Variants in AOPEP observed in about 807,000 individuals in gnomAD.
AOPEP encodes aminopeptidase O (putative), also known as aminopeptidase O.
Under a neutral mutation model 98.1 loss-of-function variants are expected in AOPEP, and 77 were observed. The ratio of observed to expected loss-of-function variants is 0.78; its 90% confidence interval spans 0.65 to 0.95. The LOEUF is 0.95. Ranked by LOEUF, AOPEP falls within the 40% of genes least tolerant of loss-of-function variation. The pLI, the probability that AOPEP is intolerant of heterozygous loss-of-function variation, is 0.00. For missense variants in AOPEP, 1,024 were observed against 1,024.7 expected, an observed-to-expected ratio of 1.00 and a Z score of 0.01; for synonymous variants, 346 against 365.3, an observed-to-expected ratio of 0.95 and a Z score of 0.60.
intron 5 of AOPEP, among the ~76,000 whole-genome samples, chr9:94,846,664 C>A (rs1269799434): frequency 1.2e-4 from 18 of 152,178 alleles, no homozygotes; most frequent in Non-Finnish European, 2.1e-4. Flanking sequence ...CTAGCACTTT[C>A]CAAGGCCGAG....
At chr9:94,736,705 A>G (rs1301729851) in intron 1 of AOPEP, among the ~76,000 whole-genome samples, 2 of 152,228 alleles carry the variant, frequency 1.3e-5, no homozygotes, top group Non-Finnish European at 2.9e-5. Flanking sequence ...CATTAATTGA[A>G]TGATATCCAT....
the AOPEP span, among the ~76,000 whole-genome samples, chr9:95,137,556 A>G: frequency 0.01 from 1,545 of 152,278 alleles, 26 homozygotes; most frequent in African/African-American, 0.035. Flanking sequence ...CCATTTCCTC[A>G]GATGAAAAGA....
At chr9:95,049,839 A>G (rs925666758) in intron 13 of AOPEP, among the ~76,000 whole-genome samples, 1 of 152,180 alleles carries the variant, frequency 6.6e-6, no homozygotes. Context: ...ATAGTTAACC[A>G]CCACTTGTGA....
intron 5 of AOPEP, among the ~76,000 whole-genome samples, chr9:94,887,640 A>G (rs2048389194): frequency 6.6e-6 from 1 of 152,168 alleles, no homozygotes; most frequent in African/African-American, 2.4e-5. Context: ...GGCAGGTACC[A>G]TGTCAGTGTT....
chr9:94,760,184 CAG>C lies in AOPEP; in HGVS notation c.402_403del (p.Gly135GlufsTer5). ...TCTAGCTCAAAGTACTGCTGTGACA[CAG>C]GGAATCATGGGAGTGAGGATTTTTT... On this transcript the variant is annotated frameshift_variant, in exon 2 of 17. Transcript: ENST00000375315. LOFTEE classifies it high-confidence loss of function. 1.2e-6 allele frequency: 2 copies of C among 1,614,152 alleles called. No individual in the cohort carries two copies. Among genetic ancestry groups the C allele is most frequent in the Non-Finnish European group, 1.7e-6 (2 of 1,180,036 alleles).
intron 5 of AOPEP, among the ~76,000 whole-genome samples, chr9:94,847,493 C>G (rs1025628048): frequency 6.6e-6 from 1 of 152,172 alleles, no homozygotes; most frequent in Non-Finnish European, 1.5e-5. Context: ...AACTCTACTT[C>G]TTTATTCTGT....
intron 13 of AOPEP, among the ~76,000 whole-genome samples, chr9:95,009,762 C>G (rs1245460692): frequency 6.6e-6 from 1 of 152,116 alleles, no homozygotes; most frequent in East Asian, 1.9e-4. Context: ...AAAAACAATA[C>G]TCTTGAGCTA....
chr9:94,811,757 G>C (rs1013105143), intron 5 of AOPEP, among the ~76,000 whole-genome samples: 4 of 152,190 alleles, frequency 2.6e-5, no homozygotes, highest in African/African-American at 9.7e-5. Flanking sequence ...GCCCCCAGAG[G>C]CGGCATCTCC....
chr9:94,782,168 C>T (rs895447416), intron 3 of AOPEP, among the ~76,000 whole-genome samples: 2 of 150,736 alleles, frequency 1.3e-5, no homozygotes, highest in South Asian at 2.1e-4. Flanking sequence ...CCAGCCTGGG[C>T]GACAGAGTGA....
chr9:94,923,907 T>C (rs1422125487), intron 5 of AOPEP, 79 bp from the exon 6 acceptor site: 2 of 998,710 alleles, frequency 2.0e-6, no homozygotes, highest in East Asian at 6.5e-5. Flanking sequence ...CTTGCCAGGC[T>C]AGGAAAGCTG....
At chr9:94,742,871 G>T (rs1043474165) in intron 1 of AOPEP, among the ~76,000 whole-genome samples, 7 of 152,020 alleles carry the variant, frequency 4.6e-5, no homozygotes, top group Non-Finnish European at 7.4e-5. Context: ...GAAAGTATAA[G>T]GGGAAAAATA....
At chr9:95,149,892 C>T in the AOPEP span, 150 of 1,571,138 alleles carry the variant, frequency 9.5e-5, no homozygotes, top group South Asian at 2.3e-4. Flanking sequence ...GGAAAAACGA[C>T]GCAGGATGAC....
At position 94,991,093 on chromosome 9, in the gene AOPEP, C is replaced by T. The variant is rs556338916; in HGVS notation, c.1977+11666C>T. 1.4e-4 allele frequency among the ~76,000 whole-genome samples: 21 copies of T among 152,314 alleles called. No homozygotes were observed. In the South Asian group the frequency reaches 4.1e-3, roughly 30 times the overall value. The stretch of plus-strand genomic sequence containing the variant: ...ATGGCACATGCTGATAGAAGATCAA[C>T]ACCCAGGGCTTTTTAGGCTGCTGCC... On this transcript the variant is annotated intron_variant, in intron 11 of 16. Coordinates refer to ENST00000375315, the MANE Select transcript of AOPEP (RefSeq NM_001193329.3).
At chr9:94,945,119 G>A (rs534960160) in intron 7 of AOPEP, among the ~76,000 whole-genome samples, 1 of 152,104 alleles carries the variant, frequency 6.6e-6, no homozygotes, top group African/African-American at 2.4e-5. Context: ...ATCTCCATAG[G>A]GTCTGTGATA....
At chr9:94,793,342 G>C (rs1202820960) in intron 4 of AOPEP, among the ~76,000 whole-genome samples, 1 of 151,208 alleles carries the variant, frequency 6.6e-6, no homozygotes, top group Non-Finnish European at 1.5e-5. Context: ...GTAAGACTCT[G>C]TCTCAAAACA....
intron 1 of AOPEP, among the ~76,000 whole-genome samples, chr9:94,739,914 C>T (rs1220136800): frequency 6.6e-6 from 1 of 152,144 alleles, no homozygotes; most frequent in African/African-American, 2.4e-5. Context: ...TGCCAAGGAC[C>T]TCTAGATAAG....
chr9:94,922,724 T>C (rs1329366947), intron 5 of AOPEP, among the ~76,000 whole-genome samples: 1 of 152,184 alleles, frequency 6.6e-6, no homozygotes, highest in Non-Finnish European at 1.5e-5. Flanking sequence ...CAACTCCACT[T>C]GTAATTTCTG....
the AOPEP span, among the ~76,000 whole-genome samples, chr9:95,111,850 C>CT: frequency 1.3e-5 from 2 of 152,148 alleles, no homozygotes; most frequent in African/African-American, 4.8e-5. Flanking sequence ...TCAGGACCCC[C>CT]GTGAGGCCTG....
At chr9:94,832,563 T>C (rs1345550369) in intron 5 of AOPEP, among the ~76,000 whole-genome samples, 2 of 152,192 alleles carry the variant, frequency 1.3e-5, no homozygotes, top group Non-Finnish European at 2.9e-5. Flanking sequence ...TGTGAAAATA[T>C]GCACATATAC....
Sources: gnomAD v4.1 joint callset for allele counts (sites outside exome capture counted in the v4.1 genomes callset) on GRCh38, gnomAD v4.1.1 for gene constraint, MANE v1.5 for transcripts, NCBI Gene and HGNC (gene_info 2026-07-23, HGNC 2026-07-21) for gene names.